Variants in DDX19A observed in about 807,000 individuals in gnomAD.
DDX19A encodes ATP-dependent RNA helicase DDX19A.
In DDX19A, 12 loss-of-function variants were observed where a neutral mutation model predicts 60.6. That is an observed-to-expected ratio of 0.20 (90% CI 0.13 to 0.32). DDX19A has a LOEUF of 0.32. Ranked by LOEUF, DDX19A falls within the 10% of genes least tolerant of loss-of-function variation. DDX19A has a pLI of 1.00. For missense variants in DDX19A, 337 were observed against 600.6 expected (o/e 0.56, Z 4.59); for synonymous variants, 206 against 218.2 (o/e 0.94, Z 0.49).
At position 70,365,002 on chromosome 16, in the gene DDX19A, T is replaced by C. The variant is rs747156360; in HGVS notation, c.490-15T>C. The C allele has an allele frequency of 1.2e-6, 2 of 1,608,224 alleles. No homozygotes were observed. Among genetic ancestry groups the C allele is most frequent in the African/African-American group, 1.3e-5 (1 of 74,820 alleles). ...ATGGCTCTCCTAAACTCATCCTTTA[T>C]GATTTTTCTGTCAGTGTCTGTGCCT... On this transcript the variant is annotated splice_polypyrimidine_tract_variant and intron_variant, in intron 6 of 11. Coordinates refer to ENST00000302243, the MANE Select transcript of DDX19A (RefSeq NM_018332.5).
chr16:70,350,484 G>C, intron 1 of DDX19A, 73 bp from the exon 2 acceptor site: 2 of 1,189,914 alleles, frequency 1.7e-6, no homozygotes, highest in Non-Finnish European at 2.4e-6. Context: ...TTACTAGAAA[G>C]TTTTTCTTTT....
At chr16:70,355,001 CA>C (rs1222188816) in intron 2 of DDX19A, among the ~76,000 whole-genome samples, 4,815 of 135,766 alleles carry the variant, frequency 0.035, 266 homozygotes, top group African/African-American at 0.12. Context: ...GACCCTGTCT[CA>C]AAAAAAAAAA....
chr16:70,372,023 G>C lies in DDX19A; in HGVS notation c.*37G>C, dbSNP rs375379525. The C allele has an allele frequency of 1.2e-4, 194 of 1,613,622 alleles. No homozygotes were observed. Among genetic ancestry groups the C allele is most frequent in the Non-Finnish European group, 1.5e-4 (180 of 1,179,630 alleles). ...AGCCACTGATGCCAGCCCTGGCACTGCCCCTGCACAGGAGACAAGTGCATT... is the reference window on the plus strand; with the variant it reads ...AGCCACTGATGCCAGCCCTGGCACTCCCCCTGCACAGGAGACAAGTGCATT... On this transcript the variant is annotated 3_prime_UTR_variant, in exon 12 of 12. Coordinates refer to ENST00000302243, the MANE Select transcript of DDX19A (RefSeq NM_018332.5).
chr16:70,367,165 A>C (rs1964543383), intron 9 of DDX19A, among the ~76,000 whole-genome samples: 1 of 152,212 alleles, frequency 6.6e-6, no homozygotes. Context: ...ACGGTGGCTC[A>C]TGCCTGTAAT....
intron 2 of DDX19A, 41 bp from the exon 3 acceptor site, chr16:70,355,444 A>G (rs150935746): frequency 6.9e-7 from 1 of 1,447,486 alleles, no homozygotes; most frequent in African/African-American, 1.4e-5. Context: ...GGTGGTTCTC[A>G]TATTTGCCTT....
intron 2 of DDX19A, among the ~76,000 whole-genome samples, chr16:70,352,793 C>T (rs143547757): frequency 3.7e-4 from 56 of 151,962 alleles, no homozygotes; most frequent in African/African-American, 9.4e-4. Flanking sequence ...TGTGCCACCA[C>T]GCCTGGCTAA....
At chr16:70,361,578 G>A (rs1964364873) in intron 5 of DDX19A, 68 bp downstream of exon 5, 1 of 1,328,362 alleles carries the variant, frequency 7.5e-7, no homozygotes, top group Admixed American at 1.9e-5. Context: ...CTGCGTTTTT[G>A]TGCCTGAGAA....
intron 5 of DDX19A, chr16:70,364,237 T>TA: frequency 3.6e-6 from 1 of 274,996 alleles, no homozygotes; most frequent in South Asian, 5.5e-5. Flanking sequence ...GCACAGATCT[T>TA]ACTCTGCACA....
At position 70,371,953 on chromosome 16, in the gene DDX19A, T is replaced by C. The variant is rs2047277368; in HGVS notation, c.1404T>C (p.Asp468=). The C allele has an allele frequency of 3.1e-6, 5 of 1,613,866 alleles. No homozygotes were observed. The highest frequency in any genetic ancestry group is 1.3e-5 in the African/African-American group (1 of 74,926). Residue 468 remains aspartate (D), a synonymous_variant, in exon 12 of 12, where the codon GAT becomes GAC. Coordinates refer to ENST00000302243, the MANE Select transcript of DDX19A (RefSeq NM_018332.5). ...FNKKIERLDT[D]DLDEIEKIAN is the part of the protein sequence containing the mutation. ...AGAAGATAGAAAGATTGGACACAGA[T>C]GATTTGGACGAGATTGAGAAAATAG...
At chr16:70,351,909 C>G (rs1285847731) in intron 2 of DDX19A, among the ~76,000 whole-genome samples, 3 of 152,156 alleles carry the variant, frequency 2.0e-5, no homozygotes, top group South Asian at 2.1e-4. Flanking sequence ...AATCTGGGTT[C>G]AAAACTCAGA....
chr16:70,365,167 G>A, intron 7 of DDX19A, 36 bp downstream of exon 7: 1 of 1,452,156 alleles, frequency 6.9e-7, no homozygotes, highest in Non-Finnish European at 9.7e-7. Context: ...CAGTGAGCAG[G>A]GTAGGGGGTT....
chr16:70,356,826 T>A (rs1597527818), intron 4 of DDX19A: 7 of 1,192,938 alleles, frequency 5.9e-6, no homozygotes, highest in Non-Finnish European at 7.6e-6. Context: ...CTAAAAGTCT[T>A]ATTTCTCTTA....
chr16:70,356,798 C>G (rs1964201918), intron 4 of DDX19A: 1 of 1,039,294 alleles, frequency 9.6e-7, no homozygotes, highest in African/African-American at 1.7e-5. Context: ...TTTAATGCTT[C>G]AAATTGATTT....
intron 2 of DDX19A, 33 bp from the exon 3 acceptor site, chr16:70,355,452 C>T: frequency 1.9e-6 from 3 of 1,543,248 alleles, no homozygotes; most frequent in Non-Finnish European, 2.7e-6. Context: ...TCATATTTGC[C>T]TTTCTAATTA....
At chr16:70,356,379 A>G (rs1964184426) in intron 4 of DDX19A, 132 bp downstream of exon 4, 2 of 1,393,884 alleles carry the variant, frequency 1.4e-6, no homozygotes, top group Non-Finnish European at 1.9e-6. Flanking sequence ...TTTTCGAGAC[A>G]GAGTTTCGCT....
At chr16:70,347,735 G>A (rs765459816) in intron 1 of DDX19A, 3 of 203,708 alleles carry the variant, frequency 1.5e-5, no homozygotes, top group Non-Finnish European at 3.1e-5. Context: ...TTGTTGCCCA[G>A]GCTGGAGTGC....
rs190495197 is a variant in DDX19A at position 70,351,669 on chromosome 16, C to T, written c.106+1064C>T. On this transcript the variant is annotated intron_variant, in intron 2 of 11. Coordinates refer to ENST00000302243, the MANE Select transcript of DDX19A (RefSeq NM_018332.5). ...CCTCCCAAGTAGCTGGGACTACAGGCGCCCGCCACCATGCCCAGCTAATTT... is the reference window on the plus strand; with the variant it reads ...CCTCCCAAGTAGCTGGGACTACAGGTGCCCGCCACCATGCCCAGCTAATTT... Among the ~76,000 whole-genome samples the T allele has an allele frequency of 4.1e-3, 625 of 151,808 alleles. 5 individuals are homozygous for T. Among genetic ancestry groups the T allele is most frequent in the African/African-American group, 0.014 (568 of 41,392 alleles).
intron 9 of DDX19A, among the ~76,000 whole-genome samples, chr16:70,368,155 C>T (rs548518103): frequency 6.6e-6 from 1 of 152,288 alleles, no homozygotes; most frequent in East Asian, 1.9e-4. Context: ...TAGCATGGGT[C>T]ATAAAGCAAC....
At chr16:70,362,595 T>A (rs1332668101) in intron 5 of DDX19A, among the ~76,000 whole-genome samples, 1 of 152,158 alleles carries the variant, frequency 6.6e-6, no homozygotes. Flanking sequence ...AAGTTCCTTT[T>A]GAGACAGGGT....
Sources: allele counts gnomAD v4.1 joint callset (sites outside exome capture counted in the v4.1 genomes callset), GRCh38; gene constraint gnomAD v4.1.1; transcripts MANE v1.5; gene names NCBI Gene and HGNC (gene_info 2026-07-23, HGNC 2026-07-21).